The following TENM1 variants were observed in gnomAD, a reference collection of about 807,000 sequenced individuals.
TENM1 encodes teneurin transmembrane protein 1.
Under a neutral mutation model 174.8 loss-of-function variants are expected in TENM1, and 35 were observed. The observed-to-expected ratio is 0.20, with a 90% CI of 0.15 to 0.27. The LOEUF is 0.27. TENM1 is among the 10% of genes least tolerant of loss of function. TENM1 has a pLI of 1.00. For missense variants in TENM1, 1,633 were observed against 2,130.1 expected, an observed-to-expected ratio of 0.77 and a Z score of 4.59; for synonymous variants, 781 against 798.7, an observed-to-expected ratio of 0.98 and a Z score of 0.37.
intron 18 of TENM1, among the ~76,000 whole-genome samples, chrX:124,508,960 T>C (rs2047515384): frequency 9.0e-6 from 1 of 111,561 alleles, no homozygotes; most frequent in African/African-American, 3.3e-5. Flanking sequence ...GGGTACCTCT[T>C]GTTGACAGGC....
intron 27 of TENM1, among the ~76,000 whole-genome samples, chrX:124,403,858 A>G (rs1265964580): frequency 9.0e-6 from 1 of 111,553 alleles, no homozygotes; most frequent in African/African-American, 3.3e-5. Context: ...TAACTCATTC[A>G]GATTACCTGC....
At chrX:124,728,477 A>G in intron 4 of TENM1, among the ~76,000 whole-genome samples, 1 of 111,689 alleles carries the variant, frequency 9.0e-6, no homozygotes, top group East Asian at 2.8e-4. Flanking sequence ...TTTGATTGTG[A>G]TATGTTATTC....
At chrX:124,386,014 G>A (rs1229054352) in exon 29 of TENM1, 1 of 1,205,058 alleles carries the variant, frequency 8.3e-7, no homozygotes, top group African/African-American at 1.8e-5. Context: ...AATCTGGTTG[G>A]TCATACTCAA....
At chrX:125,038,809 C>T in the TENM1 span, among the ~76,000 whole-genome samples, 2 of 111,862 alleles carry the variant, frequency 1.8e-5, no homozygotes, top group African/African-American at 3.2e-5. Flanking sequence ...TTTAGTAGTA[C>T]ATCAGCAAAT....
chrX:125,004,249 T>C, the TENM1 span, among the ~76,000 whole-genome samples: 5,040 of 111,648 alleles, frequency 0.045, 265 homozygotes, highest in African/African-American at 0.15. Context: ...AAGCATGAGA[T>C]AGAGCCTGTG....
At chrX:124,913,694 C>G (rs148957590) in intron 1 of TENM1, among the ~76,000 whole-genome samples, 2 of 111,827 alleles carry the variant, frequency 1.8e-5, no homozygotes, top group East Asian at 5.6e-4. Context: ...AAAATTATGA[C>G]TGCTTTCTGA....
intron 23 of TENM1, among the ~76,000 whole-genome samples, chrX:124,430,693 T>C (rs1263360919): frequency 1.8e-5 from 2 of 112,086 alleles, no homozygotes; most frequent in East Asian, 2.8e-4. Context: ...AGGTTTCTCT[T>C]GATTCTATGT....
the TENM1 span, among the ~76,000 whole-genome samples, chrX:125,136,217 C>T: frequency 9.0e-6 from 1 of 110,736 alleles, no homozygotes; most frequent in Non-Finnish European, 1.9e-5. Flanking sequence ...TGTAAGGAAA[C>T]GTTTTCTGAT....
intron 3 of TENM1, among the ~76,000 whole-genome samples, chrX:124,886,522 CAT>C (rs3056632): frequency 0.033 from 2,477 of 74,654 alleles, 61 homozygotes; most frequent in Non-Finnish European, 0.035. Context: ...AAAACATATA[CAT>C]ATATATATAT....
intron 19 of TENM1, among the ~76,000 whole-genome samples, chrX:124,503,088 G>C (rs1259693306): frequency 9.0e-6 from 1 of 111,506 alleles, no homozygotes; most frequent in African/African-American, 3.3e-5. Context: ...TCCTACTATA[G>C]CTTGTTCAGA....
intron 1 of TENM1, among the ~76,000 whole-genome samples, chrX:124,908,256 C>G (rs1292983977): frequency 1.8e-5 from 2 of 111,445 alleles, no homozygotes; most frequent in African/African-American, 6.5e-5. Flanking sequence ...CTGCACCTAT[C>G]AACCCGTCAC....
chrX:124,729,283 A>T (rs746866942), intron 4 of TENM1, among the ~76,000 whole-genome samples: 6 of 112,361 alleles, frequency 5.3e-5, no homozygotes, highest in Non-Finnish European at 1.1e-4. Flanking sequence ...TGAATTGAAA[A>T]TAGTAATATT....
At chrX:124,910,455 G>C (rs2057817776) in intron 1 of TENM1, among the ~76,000 whole-genome samples, 1 of 112,042 alleles carries the variant, frequency 8.9e-6, no homozygotes, top group Non-Finnish European at 1.9e-5. Flanking sequence ...ATGATATACA[G>C]GATAGATGTA....
At chrX:124,623,468 A>G (rs548654996) in intron 11 of TENM1, among the ~76,000 whole-genome samples, 156 of 111,833 alleles carry the variant, frequency 1.4e-3, no homozygotes, top group African/African-American at 4.8e-3. Context: ...TGGAGATCAA[A>G]TGTTATTTGT....
chrX:125,121,940 G>A, the TENM1 span, among the ~76,000 whole-genome samples: 1 of 111,577 alleles, frequency 9.0e-6, no homozygotes, highest in East Asian at 2.8e-4. Flanking sequence ...CAGGTGTGGC[G>A]GCACATGCCT....
intron 3 of TENM1, among the ~76,000 whole-genome samples, chrX:124,867,441 C>T (rs2057028260): frequency 8.9e-6 from 1 of 112,004 alleles, no homozygotes; most frequent in Admixed American, 9.4e-5. Flanking sequence ...TTCAACACCA[C>T]TTCATGATAA....
intron 18 of TENM1, among the ~76,000 whole-genome samples, chrX:124,517,337 A>T (rs2047728187): frequency 9.0e-6 from 1 of 110,808 alleles, no homozygotes; most frequent in Non-Finnish European, 1.9e-5. Context: ...ATTATAAATC[A>T]TGCTGCTATA....
chrX:124,598,159 T>G (rs1261344610), intron 11 of TENM1, among the ~76,000 whole-genome samples: 2 of 111,128 alleles, frequency 1.8e-5, no homozygotes, highest in East Asian at 5.7e-4. Flanking sequence ...ATCAGAGAAA[T>G]GCAAATCAAA....
chrX:124,648,259 G>A (rs974698954), intron 8 of TENM1, among the ~76,000 whole-genome samples: 1 of 112,248 alleles, frequency 8.9e-6, no homozygotes, highest in South Asian at 3.7e-4. Flanking sequence ...GCCTTGAGAA[G>A]AATAAAAACA....
Sources: allele counts gnomAD v4.1 joint callset (sites outside exome capture counted in the v4.1 genomes callset), GRCh38; gene constraint gnomAD v4.1.1; transcripts MANE v1.5; gene names NCBI Gene and HGNC (gene_info 2026-07-23, HGNC 2026-07-21).